Variants in NTRK3 observed in about 807,000 individuals in gnomAD.
NTRK3 encodes NT-3 growth factor receptor.
In NTRK3, 24 loss-of-function variants were observed where a neutral mutation model predicts 91.7. That is an observed-to-expected ratio of 0.26 (90% CI 0.19 to 0.37). NTRK3 has a LOEUF of 0.37. Ranked by LOEUF, NTRK3 falls within the 10% of genes least tolerant of loss-of-function variation. The pLI is 1.00. For synonymous variants in NTRK3, 483 were observed against 404.0 expected (o/e 1.20, Z -2.34); for missense variants, 880 against 1,068.9 (o/e 0.82, Z 2.46).
At chr15:88,223,078 C>T (rs988012285) in intron 3 of NTRK3, among the ~76,000 whole-genome samples, 3 of 152,172 alleles carry the variant, frequency 2.0e-5, no homozygotes, top group Admixed American at 6.5e-5. Context: ...AGGTGCTTGC[C>T]TCCCTGCTCC....
At position 88,145,249 on chromosome 15, in the gene NTRK3, C is replaced by T. The variant is rs186572211; in HGVS notation, c.464+2086G>A. Reference sequence around the variant, plus strand: ...TCATAACCACAGCTAAGAGCCAACACGCGGCCCCTCCAGCCAAAAGATGAA... The same window carrying T: ...TCATAACCACAGCTAAGAGCCAACATGCGGCCCCTCCAGCCAAAAGATGAA... On this transcript the variant is annotated intron_variant, in intron 6 of 18. Coordinates refer to ENST00000394480, the Ensembl canonical transcript of NTRK3. 8.6e-3 allele frequency among the ~76,000 whole-genome samples: 1,307 copies of T among 152,298 alleles called. 10 individuals are homozygous for T. The highest frequency in any genetic ancestry group is 0.024 in the Middle Eastern group (7 of 294).
chr15:88,005,699 T>A (rs1268263493), intron 14 of NTRK3, among the ~76,000 whole-genome samples: 2 of 152,146 alleles, frequency 1.3e-5, no homozygotes, highest in Non-Finnish European at 2.9e-5. Flanking sequence ...AAAAAGGTGC[T>A]AGGAGGCAGT....
At chr15:88,183,557 C>T in intron 4 of NTRK3, 68 bp from the exon 5 acceptor site, 3 of 1,457,146 alleles carry the variant, frequency 2.1e-6, no homozygotes, top group South Asian at 2.3e-5. Context: ...TGGGCTGAGG[C>T]TGGCAGGGGG....
Position 88,236,722 on chromosome 15 carries a change from C to T in NTRK3, c.248+19184G>A, listed in dbSNP as rs1308719487. Among the ~76,000 whole-genome samples, 7 of 145,648 alleles carry T rather than the reference C, an allele frequency of 4.8e-5. No homozygotes were observed. The East Asian group carries it at 5.9e-4, about 12-fold the overall frequency. On this transcript the variant is annotated intron_variant, in intron 3 of 18. Transcript: ENST00000394480. ...TCTCTACAAGTTCACACTATAAATT[C>T]GCCCATGAAACCAAAAACAACTTGT...
chr15:87,986,881 T>G (rs562291679), intron 14 of NTRK3, among the ~76,000 whole-genome samples: 2 of 152,250 alleles, frequency 1.3e-5, no homozygotes, highest in African/African-American at 4.8e-5. Context: ...TCTGCCAGTA[T>G]AGTCTGAAGG....
chr15:87,885,999 C>A (rs1461499898), intron 17 of NTRK3, among the ~76,000 whole-genome samples: 2 of 151,914 alleles, frequency 1.3e-5, no homozygotes, highest in Non-Finnish European at 2.9e-5. Context: ...AGTGCTCCTT[C>A]AAATTAGTTA....
intron 14 of NTRK3, among the ~76,000 whole-genome samples, chr15:87,946,717 G>A (rs973625911): frequency 6.6e-6 from 1 of 151,878 alleles, no homozygotes; most frequent in Admixed American, 6.6e-5. Context: ...TCTTTCCCTT[G>A]TGGATTCCAT....
At chr15:87,933,492 G>T (rs886359563) in intron 15 of NTRK3, among the ~76,000 whole-genome samples, 2 of 152,244 alleles carry the variant, frequency 1.3e-5, no homozygotes, top group East Asian at 3.9e-4. Flanking sequence ...GGCAGCTGGA[G>T]GGGCTGTGAG....
intron 5 of NTRK3, among the ~76,000 whole-genome samples, chr15:88,183,012 A>ACCCAC (rs2046632259): frequency 2.5e-5 from 3 of 119,878 alleles, no homozygotes; most frequent in Non-Finnish European, 3.5e-5. Context: ...TCTTCTTGCA[A>ACCCAC]CCCCCCCCCG....
At chr15:88,142,563 G>A (rs1259591361) in intron 6 of NTRK3, among the ~76,000 whole-genome samples, 1 of 152,190 alleles carries the variant, frequency 6.6e-6, no homozygotes, top group Non-Finnish European at 1.5e-5. Flanking sequence ...GACAGTCCTG[G>A]GGCCAGGCAG....
chr15:87,929,321 A>G, exon 17 of NTRK3: 2 of 1,614,122 alleles, frequency 1.2e-6, no homozygotes, highest in East Asian at 4.5e-5. Context: ...GGCCAGGTAC[A>G]CCATACCCGA....
chr15:87,955,792 G>A (rs1205133001), intron 14 of NTRK3, among the ~76,000 whole-genome samples: 1 of 152,184 alleles, frequency 6.6e-6, no homozygotes, highest in East Asian at 1.9e-4. Flanking sequence ...GGAAACCAAG[G>A]TGCCAACCAG....
intron 14 of NTRK3, among the ~76,000 whole-genome samples, chr15:88,026,437 T>C (rs2078044488): frequency 6.6e-6 from 1 of 152,008 alleles, no homozygotes; most frequent in Non-Finnish European, 1.5e-5. Flanking sequence ...AAGACAACAC[T>C]ATAGAGACAG....
chr15:88,174,277 T>G (rs1273578770), intron 5 of NTRK3, among the ~76,000 whole-genome samples: 1 of 152,072 alleles, frequency 6.6e-6, no homozygotes, highest in Non-Finnish European at 1.5e-5. Flanking sequence ...CCAAATGGGT[T>G]AAATAGCTTA....
chr15:88,099,114 T>C (rs2150847253), intron 13 of NTRK3: 1 of 230,486 alleles, frequency 4.3e-6, no homozygotes, highest in Non-Finnish European at 8.6e-6. Flanking sequence ...TAAGCCTTGG[T>C]TTTTCCAGAA....
chr15:88,043,129 G>A (rs889403627), intron 13 of NTRK3, among the ~76,000 whole-genome samples: 15 of 152,198 alleles, frequency 9.9e-5, no homozygotes, highest in African/African-American at 3.4e-4. Flanking sequence ...TCATAGCACA[G>A]GAATGGCCGG....
chr15:88,047,592 G>T (rs781687472), intron 13 of NTRK3, among the ~76,000 whole-genome samples: 1 of 151,990 alleles, frequency 6.6e-6, no homozygotes, highest in African/African-American at 2.4e-5. Context: ...TCACCTTCAC[G>T]GTACCTCCTC....
intron 13 of NTRK3, among the ~76,000 whole-genome samples, chr15:88,046,643 C>T (rs78683201): frequency 0.029 from 4,403 of 152,246 alleles, 236 homozygotes; most frequent in African/African-American, 0.1. Context: ...TCCTGTTCCA[C>T]AGATCCTCTC....
intron 3 of NTRK3, among the ~76,000 whole-genome samples, chr15:88,187,751 T>C (rs986867148): frequency 1.3e-5 from 2 of 151,890 alleles, no homozygotes; most frequent in Admixed American, 1.3e-4. Context: ...CTGGCCAACA[T>C]GGGGAAACCC....
Sources: allele counts gnomAD v4.1 joint callset (sites outside exome capture counted in the v4.1 genomes callset), GRCh38; gene constraint gnomAD v4.1.1; transcripts MANE v1.5; gene names NCBI Gene and HGNC (gene_info 2026-07-23, HGNC 2026-07-21).